The following HSPB8 variants were observed in gnomAD, a reference collection of about 807,000 sequenced individuals.
HSPB8 encodes the protein heat shock protein family B (small) member 8, also known as heat shock protein beta-8.
In HSPB8, 9 loss-of-function variants were observed where a neutral mutation model predicts 16.5. The ratio of observed to expected loss-of-function variants is 0.55; its 90% CI spans 0.33 to 0.95. The LOEUF is 0.95. Ranked by LOEUF, HSPB8 falls within the 40% of genes least tolerant of loss-of-function variation. HSPB8 has a pLI of 0.03. For missense variants in HSPB8, 238 were observed against 251.2 expected (o/e 0.95, Z 0.35); for synonymous variants, 99 against 94.8 (o/e 1.04, Z -0.26).
intron 1 of HSPB8, among the ~76,000 whole-genome samples, chr12:119,186,315 G>T (rs1954675370): frequency 6.6e-6 from 1 of 152,168 alleles, no homozygotes; most frequent in African/African-American, 2.4e-5. Context: ...CTTTTTCCAG[G>T]CTGTGCTTTC....
At chr12:119,187,252 G>C (rs1382157363) in intron 2 of HSPB8, among the ~76,000 whole-genome samples, 164 bp downstream of exon 2, 1 of 152,150 alleles carries the variant, frequency 6.6e-6, no homozygotes, top group Non-Finnish European at 1.5e-5. Flanking sequence ...TATCCCAGCA[G>C]ACCTGTAATA....
rs547322047 is a variant in HSPB8 at position 119,193,963 on chromosome 12, T to C, written c.*105T>C. ...CTCAGATTTAGTGCAAGTAAAATGT[T>C]AGAGGGTGCGGGGGTGAGGACTGAC... On this transcript the variant is annotated 3_prime_UTR_variant, in exon 3 of 3. Transcript: ENST00000281938. 4 of 1,298,882 alleles carry C rather than the reference T, an allele frequency of 3.1e-6. No individual in the cohort carries two copies. In the South Asian group the frequency reaches 3.6e-5, roughly 12 times the overall value. 80.5% of individuals were successfully genotyped at this position (1,298,882 alleles called of 1,614,324 possible).
chr12:119,185,139 T>G (rs1167317432), intron 1 of HSPB8, among the ~76,000 whole-genome samples: 3 of 151,660 alleles, frequency 2.0e-5, no homozygotes, highest in Non-Finnish European at 4.4e-5. Flanking sequence ...TTTTTTTAAT[T>G]TTTTCTTTTG....
At chr12:119,185,948 C>T (rs1016005336) in intron 1 of HSPB8, among the ~76,000 whole-genome samples, 4 of 152,162 alleles carry the variant, frequency 2.6e-5, no homozygotes, top group Admixed American at 6.5e-5. Context: ...GAAGCACCTC[C>T]CTGTGTAAAT....
At chr12:119,188,086 A>C (rs1052524855) in intron 2 of HSPB8, among the ~76,000 whole-genome samples, 3 of 152,162 alleles carry the variant, frequency 2.0e-5, no homozygotes, top group Admixed American at 1.3e-4. Context: ...ACGAGCCCCT[A>C]GCTGGCAGTA....
At chr12:119,186,680 G>C (rs1954678063) in intron 1 of HSPB8, 1 of 336,186 alleles carries the variant, frequency 3.0e-6, no homozygotes, top group Non-Finnish European at 5.7e-6. Context: ...GAGAAGAGGA[G>C]TCAGGTGGGA....
Position 119,186,941 on chromosome 12 carries a change from G to A in HSPB8, c.368-84G>A, listed in dbSNP as rs540608776. Reference sequence around the variant, plus strand: ...AAGTCACACAGCAAGGCAGGTCCAGGGCCAGGATTTGAACCCAAGCCTCAG... The same window carrying A: ...AAGTCACACAGCAAGGCAGGTCCAGAGCCAGGATTTGAACCCAAGCCTCAG... On this transcript the variant is annotated intron_variant, in intron 1 of 2. Coordinates refer to ENST00000281938, the MANE Select transcript of HSPB8 (RefSeq NM_014365.3). 3.1e-6 allele frequency: 4 copies of A among 1,300,092 alleles called. No individual in the cohort carries two copies. The East Asian group carries it at 9.2e-5, about 30-fold the overall frequency. 80.5% of individuals were successfully genotyped at this position (1,300,092 alleles called of 1,614,324 possible).
intron 1 of HSPB8, 131 bp from the exon 2 acceptor site, chr12:119,186,894 C>T (rs1954679507): frequency 2.4e-6 from 2 of 827,920 alleles, no homozygotes; most frequent in East Asian, 4.9e-5. Flanking sequence ...GCTTAGATAA[C>T]TAGAGTCTCT....
Position 119,194,376 on chromosome 12 carries a change from T to G in HSPB8, c.*518T>G. On this transcript the variant is annotated 3_prime_UTR_variant, in exon 3 of 3. Transcript: ENST00000281938. Reference sequence around the variant, plus strand: ...CAGGTCTTATATCCCCATATGGAATTTATCCATCAACCACATAAAAACAAA... The same window carrying G: ...CAGGTCTTATATCCCCATATGGAATGTATCCATCAACCACATAAAAACAAA... 1 of 202,540 alleles carries G rather than the reference T, an allele frequency of 4.9e-6. No homozygotes were observed. The highest frequency in any genetic ancestry group is 2.3e-5 in the African/African-American group (1 of 42,846). The allele number at this position is 202,540 out of a possible 1,614,324, so 12.5% of individuals were successfully genotyped here. A position where few individuals can be genotyped will look rare whatever the true frequency, so the allele number is the denominator to read the frequency against.
chr12:119,192,007 C>G (rs1357103921), intron 2 of HSPB8, among the ~76,000 whole-genome samples: 2 of 152,044 alleles, frequency 1.3e-5, no homozygotes, highest in African/African-American at 4.8e-5. Flanking sequence ...AGCTAAAGTA[C>G]CTGGCACATA....
chr12:119,188,023 A>G (rs1954687592), intron 2 of HSPB8, among the ~76,000 whole-genome samples: 1 of 152,100 alleles, frequency 6.6e-6, no homozygotes, highest in African/African-American at 2.4e-5. Flanking sequence ...AGCCTGGGGG[A>G]ACCGTGAGAG....
At chr12:119,187,646 C>T (rs1237937623) in intron 2 of HSPB8, among the ~76,000 whole-genome samples, 2 of 152,214 alleles carry the variant, frequency 1.3e-5, no homozygotes, top group Admixed American at 1.3e-4. Flanking sequence ...GCTTGAGCCA[C>T]TGCACCCGGG....
At chr12:119,186,842 A>G (rs1954679187) in intron 1 of HSPB8, 183 bp from the exon 2 acceptor site, 2 of 641,638 alleles carry the variant, frequency 3.1e-6, no homozygotes, top group African/African-American at 3.6e-5. Context: ...CAGCCTTGGA[A>G]GTGGACTTAG....
chr12:119,190,816 A>T (rs762310892), intron 2 of HSPB8, among the ~76,000 whole-genome samples: 4 of 152,222 alleles, frequency 2.6e-5, no homozygotes, highest in Non-Finnish European at 5.9e-5. Context: ...ATTGTTAAAA[A>T]GGGAAGGTAG....
At chr12:119,182,308 T>C (rs1197348754) in intron 1 of HSPB8, 2 of 151,720 alleles carry the variant, frequency 1.3e-5, no homozygotes, top group Non-Finnish European at 2.9e-5. Flanking sequence ...ATAAAAGGGG[T>C]TTAAAAATAA....
intron 2 of HSPB8, among the ~76,000 whole-genome samples, chr12:119,192,047 G>A (rs1289916645): frequency 1.3e-5 from 2 of 151,972 alleles, no homozygotes; most frequent in East Asian, 1.9e-4. Flanking sequence ...TGGATTTCAT[G>A]GTTAAAAAAA....
chr12:119,191,812 A>G (rs1275624959), intron 2 of HSPB8, among the ~76,000 whole-genome samples: 3 of 152,126 alleles, frequency 2.0e-5, no homozygotes, highest in Non-Finnish European at 4.4e-5. Flanking sequence ...GGAGAGCATC[A>G]TGGTCAGATA....
intron 2 of HSPB8, among the ~76,000 whole-genome samples, chr12:119,188,589 A>G (rs1321866911): frequency 6.6e-6 from 1 of 152,126 alleles, no homozygotes; most frequent in Non-Finnish European, 1.5e-5. Context: ...TAGCCTTTGC[A>G]GCAAAAGTGT....
In HSPB8 at chr12:119,193,752, G is replaced by T; in HGVS notation, c.485G>T (p.Gly162Val). 4.3e-6 allele frequency: 7 copies of T among 1,614,156 alleles called. No homozygotes were observed. The highest frequency in any genetic ancestry group is 5.9e-6 in the Non-Finnish European group (7 of 1,180,022). ...VTVFASLSPE[G>V]LLIIEAPQVP... ...GTATTTGCCTCACTTTCCCCAGAGGGTCTGCTGATCATCGAAGCTCCCCAG... is the reference window on the plus strand; with the variant it reads ...GTATTTGCCTCACTTTCCCCAGAGGTTCTGCTGATCATCGAAGCTCCCCAG... Residue 162 changes from glycine (G) to valine (V), a missense_variant, in exon 3 of 3, where the codon GGT becomes GTT. Gly to Val is a moderately radical substitution (Grantham distance 109). Coordinates refer to ENST00000281938, the MANE Select transcript of HSPB8 (RefSeq NM_014365.3).
Sources: gnomAD v4.1 joint callset for allele counts (sites outside exome capture counted in the v4.1 genomes callset) on GRCh38, gnomAD v4.1.1 for gene constraint, MANE v1.5 for transcripts, NCBI Gene and HGNC (gene_info 2026-07-23, HGNC 2026-07-21) for gene names.